Variants in PCDHA6 observed in about 807,000 individuals in gnomAD.
The protein encoded by PCDHA6 is protocadherin alpha 6, also known as protocadherin alpha-6.
Under a neutral mutation model 60.3 loss-of-function variants are expected in PCDHA6, and 55 were observed. The observed-to-expected ratio is 0.91, with a 90% CI of 0.73 to 1.14. PCDHA6 has a LOEUF of 1.14. PCDHA6 is among the 50% of genes most tolerant of loss of function. PCDHA6 has a pLI of 0.00. For synonymous variants in PCDHA6, 652 were observed against 557.9 expected, an observed-to-expected ratio of 1.17 and a Z score of -2.38; for missense variants, 1,327 against 1,256.5, an observed-to-expected ratio of 1.06 and a Z score of -0.85.
In PCDHA6 at chr5:140,869,699, C is replaced by A. The variant is rs10071369; in HGVS notation, c.2394+39214C>A. On this transcript the variant is annotated intron_variant, in intron 1 of 3. Transcript: ENST00000529310. ...AGACTGTCACTTATTTTAAAGAAGTCTCTGGATAGAGAGAAAACTCCGGAA... is the reference window on the plus strand; with the variant it reads ...AGACTGTCACTTATTTTAAAGAAGTATCTGGATAGAGAGAAAACTCCGGAA... 1,310 of 1,613,374 alleles carry A rather than the reference C, an allele frequency of 8.1e-4. 10 individuals carry two copies. In the African/African-American group the frequency reaches 0.014, roughly 18 times the overall value.
intron 3 of PCDHA6, among the ~76,000 whole-genome samples, chr5:140,986,632 A>T (rs1262339478): frequency 6.6e-6 from 1 of 152,170 alleles, no homozygotes; most frequent in African/African-American, 2.4e-5. Flanking sequence ...AGGCAACAGT[A>T]CATTAGTTTT....
Position 140,828,324 on chromosome 5 carries a change from A to G in PCDHA6, c.233A>G (p.Asn78Ser), listed in dbSNP as rs2150154033. ...GACCGCGAGGACCTTCTGGAGGTAA[A>G]TCTGCAGAATGGCATTTTGTTTGTG... The part of the protein sequence containing the change: ...SKDREDLLEV[N>S]LQNGILFVNS... The change falls in exon 1 of 4, where the codon AAT (asparagine) becomes AGT (serine). Residue 78 changes from asparagine to serine, a missense_variant. Coordinates refer to ENST00000529310, the MANE Select transcript of PCDHA6 (RefSeq NM_018909.4). The G allele has an allele frequency of 9.3e-6, 15 of 1,614,076 alleles. No individual in the cohort carries two copies. The highest frequency in any genetic ancestry group is 1.3e-5 in the African/African-American group (1 of 74,946).
At chr5:140,882,824 C>G in intron 1 of PCDHA6, 6 of 1,614,206 alleles carry the variant, frequency 3.7e-6, no homozygotes, top group Non-Finnish European at 5.1e-6. Flanking sequence ...ACAAAACAGT[C>G]TTGAGCAAAT....
At chr5:140,983,457 G>A (rs1354592991) in intron 3 of PCDHA6, among the ~76,000 whole-genome samples, 4 of 152,182 alleles carry the variant, frequency 2.6e-5, no homozygotes, top group Non-Finnish European at 4.4e-5. Flanking sequence ...TCTATTAATA[G>A]AACATCATGA....
intron 1 of PCDHA6, among the ~76,000 whole-genome samples, chr5:140,890,467 AT>A (rs1562850687): frequency 1.3e-5 from 2 of 152,154 alleles, no homozygotes; most frequent in African/African-American, 4.8e-5. Context: ...AAATATTTCA[AT>A]TTTTTGTGCG....
At chr5:140,971,918 G>A (rs1297848346) in intron 1 of PCDHA6, among the ~76,000 whole-genome samples, 1 of 152,082 alleles carries the variant, frequency 6.6e-6, no homozygotes, top group Non-Finnish European at 1.5e-5. Context: ...CAGCCACACT[G>A]CTAGTGTTAT....
intron 1 of PCDHA6, chr5:140,926,761 T>G: frequency 7.6e-7 from 1 of 1,323,628 alleles, no homozygotes; most frequent in East Asian, 2.8e-5. Context: ...TCGCTGAGTA[T>G]CCAGCCCGCA....
intron 1 of PCDHA6, chr5:140,967,284 A>C: frequency 6.2e-7 from 1 of 1,613,190 alleles, no homozygotes. Context: ...GAGAGTGCGC[A>C]GGACCCCGAC....
At chr5:140,989,598 TA>T (rs1554250927) in intron 3 of PCDHA6, among the ~76,000 whole-genome samples, 1 of 152,144 alleles carries the variant, frequency 6.6e-6, no homozygotes, top group Non-Finnish European at 1.5e-5. Flanking sequence ...CTGACACAAG[TA>T]AACTAAAAAT....
chr5:140,871,180 G>C (rs376198166), intron 1 of PCDHA6: 48 of 1,613,470 alleles, frequency 3.0e-5, no homozygotes, highest in Non-Finnish European at 3.9e-5. Context: ...GGCTGCGCTG[G>C]TGGATGTCAA....
At chr5:140,938,719 T>A (rs1484492024) in intron 1 of PCDHA6, among the ~76,000 whole-genome samples, 2 of 152,098 alleles carry the variant, frequency 1.3e-5, no homozygotes, top group African/African-American at 4.8e-5. Context: ...TAGAAACGCG[T>A]TTCTACAGAA....
At chr5:140,894,717 A>G (rs1349709964) in intron 1 of PCDHA6, among the ~76,000 whole-genome samples, 1 of 151,920 alleles carries the variant, frequency 6.6e-6, no homozygotes, top group Non-Finnish European at 1.5e-5. Flanking sequence ...GTTGTTTTCA[A>G]ATATTACGTA....
intron 1 of PCDHA6, chr5:140,863,374 A>C: frequency 5.3e-5 from 60 of 1,135,154 alleles, no homozygotes; most frequent in Non-Finnish European, 7.5e-5. Flanking sequence ...GGCGCAGCTC[A>C]CCGAGAGCTC....
intron 1 of PCDHA6, chr5:140,843,444 C>T: frequency 1.3e-6 from 2 of 1,596,146 alleles, no homozygotes; most frequent in Non-Finnish European, 1.7e-6. Flanking sequence ...TGCGCGGTAT[C>T]CAGCCTGCTG....
chr5:140,965,236 A>G (rs1374558346), intron 1 of PCDHA6, among the ~76,000 whole-genome samples: 1 of 152,222 alleles, frequency 6.6e-6, no homozygotes, highest in African/African-American at 2.4e-5. Flanking sequence ...GAACCTGGGA[A>G]GAGTGAATAT....
chr5:140,835,505 GT>G, intron 1 of PCDHA6: 1 of 1,613,954 alleles, frequency 6.2e-7, no homozygotes, highest in Non-Finnish European at 8.5e-7. Flanking sequence ...TGATTAGCGT[GT>G]TTGACCGAGA....
rs186232239 is a variant in PCDHA6, at chr5:140,924,849, C to T, written c.2395-54100C>T. On this transcript the variant is annotated intron_variant, in intron 1 of 3. Coordinates refer to ENST00000529310, the MANE Select transcript of PCDHA6 (RefSeq NM_018909.4). ...GGGGGAGGTTGCAGGGAGCTCAGAT[C>T]GTGCCACTGCACTCCAGCCTGGGTG... 8.0e-3 allele frequency among the ~76,000 whole-genome samples: 1,208 copies of T among 150,322 alleles called. 6 individuals are homozygous for T. Among genetic ancestry groups the T allele is most frequent in the African/African-American group, 0.019 (780 of 40,670 alleles).
At chr5:140,883,030 C>T (rs1554176556) in intron 1 of PCDHA6, 1 of 1,614,058 alleles carries the variant, frequency 6.2e-7, no homozygotes, top group Non-Finnish European at 8.5e-7. Context: ...TGTTAGAGAA[C>T]GCCTTCAATG....
intron 1 of PCDHA6, chr5:140,929,215 T>C (rs1554206842): frequency 1.2e-6 from 2 of 1,613,934 alleles, no homozygotes; most frequent in East Asian, 2.2e-5. Context: ...GCGTGGGGAG[T>C]ACAATGCTGC....
Sources: allele counts gnomAD v4.1 joint callset (sites outside exome capture counted in the v4.1 genomes callset), GRCh38; gene constraint gnomAD v4.1.1; transcripts MANE v1.5; gene names NCBI Gene and HGNC (gene_info 2026-07-23, HGNC 2026-07-21).